ATP2B2: variants seen among roughly 807,000 people sequenced by gnomAD.
The protein encoded by ATP2B2 is ATPase plasma membrane Ca2+ transporting 2.
In ATP2B2, 15 loss-of-function variants were observed where a neutral mutation model predicts 120.0. The observed-to-expected ratio is 0.12, with a 90% CI of 0.08 to 0.19. The LOEUF is 0.19. Among genes scored for constraint, ATP2B2 ranks in the 10% least tolerant of loss-of-function variants. The probability of loss-of-function intolerance (pLI) is 1.00; values close to 1 mark genes in which losing one functional copy is unlikely to be tolerated. For missense variants in ATP2B2, 1,045 were observed against 1,719.8 expected, an observed-to-expected ratio of 0.61 and a Z score of 6.94; for synonymous variants, 694 against 700.3, an observed-to-expected ratio of 0.99 and a Z score of 0.14.
intron 1 of ATP2B2, among the ~76,000 whole-genome samples, chr3:10,638,414 T>A (rs1317588402): frequency 6.6e-6 from 1 of 152,126 alleles, no homozygotes; most frequent in African/African-American, 2.4e-5. Context: ...AGTGGTATAA[T>A]ATTACTTGAA....
In ATP2B2 at chr3:10,470,384, A is replaced by C. The variant is rs559648652; in HGVS notation, c.-319-20522T>G. Among the ~76,000 whole-genome samples the C allele has an allele frequency of 5.9e-5, 9 of 152,262 alleles. 1 individual carries two copies. In the South Asian group the frequency reaches 1.7e-3, roughly 28 times the overall value. The stretch of plus-strand genomic sequence containing the variant: ...AGATCACCTAGCTGGTGAATGGCAG[A>C]GGTCAGATCTGAACCCAGGCCAGTG... On this transcript the variant is annotated intron_variant, in intron 1 of 22. Transcript: ENST00000360273.
intron 2 of ATP2B2, among the ~76,000 whole-genome samples, chr3:10,446,294 C>T (rs1225361576): frequency 6.6e-6 from 1 of 152,192 alleles, no homozygotes; most frequent in African/African-American, 2.4e-5. Context: ...CAAGAGCTGA[C>T]ATTTATTGAG....
chr3:10,490,344 G>A (rs1030422002), intron 1 of ATP2B2, among the ~76,000 whole-genome samples: 2 of 150,800 alleles, frequency 1.3e-5, no homozygotes, highest in African/African-American at 2.4e-5. Context: ...GAGGGATATT[G>A]TAATCAAATA....
chr3:10,695,971 T>G (rs1315135544), intron 1 of ATP2B2, among the ~76,000 whole-genome samples: 1 of 152,136 alleles, frequency 6.6e-6, no homozygotes, highest in Non-Finnish European at 1.5e-5. Context: ...AAGTCCCACA[T>G]AAGTTCCCCA....
intron 1 of ATP2B2, among the ~76,000 whole-genome samples, chr3:10,661,126 C>A (rs1308546212): frequency 6.6e-6 from 1 of 152,122 alleles, no homozygotes; most frequent in Non-Finnish European, 1.5e-5. Context: ...TTAGGACAAA[C>A]CCTCAGCCAA....
intron 3 of ATP2B2, chr3:10,534,013 C>A (rs73811924): frequency 1.3e-5 from 2 of 152,246 alleles, no homozygotes; most frequent in Non-Finnish European, 2.9e-5. Context: ...TGATACCCCC[C>A]AGTCAAGCCC....
At chr3:10,647,800 G>C (rs755770888) in intron 1 of ATP2B2, among the ~76,000 whole-genome samples, 8 of 152,214 alleles carry the variant, frequency 5.3e-5, no homozygotes, top group Non-Finnish European at 7.3e-5. Context: ...ATGAATAAAA[G>C]AGCAGGCAGG....
At chr3:10,573,174 A>G (rs1428359658) in intron 2 of ATP2B2, among the ~76,000 whole-genome samples, 1 of 147,138 alleles carries the variant, frequency 6.8e-6, no homozygotes, top group Non-Finnish European at 1.5e-5. Context: ...TGCATGGAAT[A>G]TACTCTAGTT....
chr3:10,634,585 T>C (rs1294620976), intron 1 of ATP2B2, among the ~76,000 whole-genome samples: 2 of 152,046 alleles, frequency 1.3e-5, no homozygotes, highest in Non-Finnish European at 2.9e-5. Flanking sequence ...AATTTTGGGG[T>C]CGCTGTGACA....
chr3:10,595,011 C>T (rs540226653), intron 2 of ATP2B2, among the ~76,000 whole-genome samples: 2 of 152,222 alleles, frequency 1.3e-5, no homozygotes, highest in African/African-American at 4.8e-5. Context: ...AAGACCAATG[C>T]AATCGGAGAC....
chr3:10,398,613 G>A (rs1575119406), intron 5 of ATP2B2, among the ~76,000 whole-genome samples: 1 of 152,164 alleles, frequency 6.6e-6, no homozygotes, highest in Non-Finnish European at 1.5e-5. Flanking sequence ...CCACTAAGGG[G>A]TGAGCTCCCT....
At chr3:10,649,690 C>T (rs1350734006) in intron 1 of ATP2B2, among the ~76,000 whole-genome samples, 1 of 152,154 alleles carries the variant, frequency 6.6e-6, no homozygotes, top group East Asian at 1.9e-4. Flanking sequence ...TGTTCCCACC[C>T]ATATCTCATC....
intron 2 of ATP2B2, among the ~76,000 whole-genome samples, chr3:10,413,836 T>A (rs2062694387): frequency 6.6e-6 from 1 of 152,174 alleles, no homozygotes; most frequent in African/African-American, 2.4e-5. Flanking sequence ...TGTGAATGAG[T>A]TTCATTCAGG....
chr3:10,339,641 G>GT (rs2060219983), intron 21 of ATP2B2, among the ~76,000 whole-genome samples: 1 of 152,236 alleles, frequency 6.6e-6, no homozygotes, highest in Non-Finnish European at 1.5e-5. Flanking sequence ...GAGCCCCAGA[G>GT]CTGGGGCAGG....
intron 1 of ATP2B2, among the ~76,000 whole-genome samples, chr3:10,669,191 G>C (rs2071027961): frequency 6.6e-6 from 1 of 152,206 alleles, no homozygotes; most frequent in Non-Finnish European, 1.5e-5. Flanking sequence ...GTCCCAAAGA[G>C]GACTTGTTGG....
At chr3:10,536,071 T>C (rs1356498057) in intron 2 of ATP2B2, among the ~76,000 whole-genome samples, 1 of 152,210 alleles carries the variant, frequency 6.6e-6, no homozygotes, top group Non-Finnish European at 1.5e-5. Context: ...GCCATTCTGA[T>C]AGGTGTGTAA....
At chr3:10,419,468 TTC>T (rs2125057040) in intron 2 of ATP2B2, among the ~76,000 whole-genome samples, 2 of 152,338 alleles carry the variant, frequency 1.3e-5, no homozygotes, top group South Asian at 4.1e-4. Context: ...TTGCAGGAAT[TTC>T]TGTCTGTGTT....
intron 1 of ATP2B2, among the ~76,000 whole-genome samples, chr3:10,648,264 C>G (rs1677309266): frequency 6.6e-6 from 1 of 152,198 alleles, no homozygotes; most frequent in African/African-American, 2.4e-5. Flanking sequence ...CCCACCCCTC[C>G]ACCTGGAGAC....
intron 1 of ATP2B2, among the ~76,000 whole-genome samples, chr3:10,501,222 C>CA (rs1275514290): frequency 5.3e-5 from 8 of 152,156 alleles, no homozygotes; most frequent in African/African-American, 1.9e-4. Context: ...CTGTGAATGA[C>CA]ACTTCTAAGG....
Sources: allele counts gnomAD v4.1 joint callset (sites outside exome capture counted in the v4.1 genomes callset), GRCh38; gene constraint gnomAD v4.1.1; transcripts MANE v1.5; gene names NCBI Gene and HGNC (gene_info 2026-07-23, HGNC 2026-07-21).